The following TENT2 variants were observed in gnomAD, a reference collection of about 807,000 sequenced individuals.
TENT2 encodes the protein poly(A) RNA polymerase GLD2.
In TENT2, 44 loss-of-function variants were observed where a neutral mutation model predicts 72.2. The ratio of observed to expected loss-of-function variants is 0.61; its 90% CI spans 0.48 to 0.78. The LOEUF is 0.78. TENT2 is among the 30% of genes least tolerant of loss of function. The pLI is 0.00. For missense variants in TENT2, 541 were observed against 569.6 expected, an observed-to-expected ratio of 0.95 and a Z score of 0.51; for synonymous variants, 212 against 192.5, an observed-to-expected ratio of 1.10 and a Z score of -0.84.
intron 11 of TENT2, among the ~76,000 whole-genome samples, chr5:79,667,173 A>G (rs1808878852): frequency 6.6e-6 from 1 of 152,230 alleles, no homozygotes; most frequent in South Asian, 2.1e-4. Flanking sequence ...AAGGAAGTAC[A>G]ATCATTTTTA....
At position 79,640,959 on chromosome 5, in the gene TENT2, T is replaced by C. The variant is rs1783982265; in HGVS notation, c.574T>C (p.Phe192Leu). The C allele has an allele frequency of 6.2e-7, 1 of 1,602,274 alleles. No homozygotes were observed. The highest frequency in any genetic ancestry group is 1.3e-5 in the African/African-American group (1 of 74,158). ...GCTGCAGAGAGAAATTCAGCTGTTATTTCCACGTATGTTTCCCTATTTTGC... is the reference window on the plus strand; with the variant it reads ...GCTGCAGAGAGAAATTCAGCTGTTACTTCCACGTATGTTTCCCTATTTTGC... ...TQLQREIQLLFPQSRLFLVGS... is the reference protein window; with the variant it reads ...TQLQREIQLLLPQSRLFLVGS... Residue 192 changes from phenylalanine to leucine, a missense_variant, in exon 5 of 15, where the codon TTT becomes CTT. Transcript: ENST00000453514.
In TENT2 at chr5:79,668,910, A is replaced by G. The variant is rs1033278892; in HGVS notation, c.1090A>G (p.Ile364Val). The G allele has an allele frequency of 9.9e-6, 16 of 1,612,612 alleles. No individual in the cohort carries two copies. Among genetic ancestry groups the G allele is most frequent in the African/African-American group, 8.0e-5 (6 of 74,876 alleles). ...TTGACAGGAGTCTTTTAGTCCTGCTATACAGCTGCACCTTGTACATCAAGC... is the reference window on the plus strand; with the variant it reads ...TTGACAGGAGTCTTTTAGTCCTGCTGTACAGCTGCACCTTGTACATCAAGC... The part of the protein sequence containing the change: ...KIYPESFSPA[I>V]QLHLVHQAPC... The change falls in exon 12 of 15, where the codon ATA becomes GTA. Residue 364 changes from isoleucine (I) to valine (V), a missense_variant. Ile to Val is a conservative substitution (Grantham distance 29, BLOSUM62 3). Coordinates refer to ENST00000453514, the MANE Select transcript of TENT2 (RefSeq NM_001114394.3).
chr5:79,679,070 T>C (rs1819689586), intron 12 of TENT2, among the ~76,000 whole-genome samples: 1 of 152,106 alleles, frequency 6.6e-6, no homozygotes, highest in African/African-American at 2.4e-5. Flanking sequence ...TGCGCCTGGC[T>C]AATTTTTGTA....
At chr5:79,669,326 A>G (rs918320014) in intron 12 of TENT2, among the ~76,000 whole-genome samples, 5 of 152,186 alleles carry the variant, frequency 3.3e-5, no homozygotes, top group African/African-American at 1.2e-4. Context: ...GGTCCTGTGC[A>G]GGTGCTGTGT....
At chr5:79,648,508 C>G (rs1790989269) in intron 8 of TENT2, 109 bp from the exon 9 acceptor site, 1 of 710,440 alleles carries the variant, frequency 1.4e-6, no homozygotes. Context: ...CCTTTGGGCC[C>G]ATACTATTTT....
At chr5:79,634,449 G>T (rs899840742) in intron 4 of TENT2, among the ~76,000 whole-genome samples, 1 of 151,978 alleles carries the variant, frequency 6.6e-6, no homozygotes, top group Non-Finnish European at 1.5e-5. Context: ...TGATTCTCCG[G>T]CCTCAGCCTC....
At chr5:79,638,365 A>G (rs1781852116) in intron 4 of TENT2, among the ~76,000 whole-genome samples, 1 of 151,910 alleles carries the variant, frequency 6.6e-6, no homozygotes, top group Non-Finnish European at 1.5e-5. Flanking sequence ...ATGTCCACTG[A>G]GAGTCAGAAT....
chr5:79,623,517 C>T, intron 4 of TENT2, 28 bp downstream of exon 4: 1 of 1,466,680 alleles, frequency 6.8e-7, no homozygotes, highest in Non-Finnish European at 9.3e-7. Flanking sequence ...TTTAGTTTTG[C>T]CTTTTGGGAA....
chr5:79,653,873 C>G (rs564369624), intron 10 of TENT2, among the ~76,000 whole-genome samples: 2 of 152,190 alleles, frequency 1.3e-5, no homozygotes, highest in Admixed American at 1.3e-4. Flanking sequence ...GTTATTGTAC[C>G]TCACTGGCCT....
intron 11 of TENT2, among the ~76,000 whole-genome samples, chr5:79,660,229 T>C (rs781017928): frequency 2.6e-5 from 4 of 152,148 alleles, no homozygotes; most frequent in Non-Finnish European, 4.4e-5. Flanking sequence ...TATTATAGTA[T>C]AGAATTACTG....
chr5:79,639,333 T>C (rs1782597179), intron 4 of TENT2, among the ~76,000 whole-genome samples: 2 of 152,164 alleles, frequency 1.3e-5, no homozygotes, highest in Admixed American at 6.5e-5. Context: ...AGAAGTGATA[T>C]CTAACCAAAG....
chr5:79,667,912 C>T (rs1809673948), intron 11 of TENT2, among the ~76,000 whole-genome samples: 1 of 147,964 alleles, frequency 6.8e-6, no homozygotes, highest in Non-Finnish European at 1.5e-5. Context: ...AGTTGTCATT[C>T]TGCTGCCTTA....
chr5:79,648,743 T>A lies in TENT2; in HGVS notation c.898+50T>A, dbSNP rs754588494. The A allele has an allele frequency of 2.9e-6, 4 of 1,360,068 alleles. No individual in the cohort carries two copies. In the South Asian group the frequency reaches 5.2e-5, roughly 18 times the overall value. The allele number at this position is 1,360,068 out of a possible 1,614,324, so 84.3% of individuals were successfully genotyped here. A position where few individuals can be genotyped will look rare whatever the true frequency, so the allele number is the denominator to read the frequency against. On this transcript the variant is annotated intron_variant, in intron 9 of 14. Coordinates refer to ENST00000453514, the MANE Select transcript of TENT2 (RefSeq NM_001114394.3). ...AAATTAGCCTTTTTTTCTTTATTCA[T>A]TTTTAAAGATGTTTGGCATAAATAG...
intron 12 of TENT2, among the ~76,000 whole-genome samples, chr5:79,674,949 A>G (rs1034940614): frequency 5.3e-5 from 8 of 152,202 alleles, no homozygotes; most frequent in Admixed American, 1.3e-4. Context: ...AAGAAGCTAT[A>G]TGGACTCCTC....
chr5:79,678,647 A>G (rs962469654), intron 12 of TENT2, among the ~76,000 whole-genome samples: 1 of 152,210 alleles, frequency 6.6e-6, no homozygotes, highest in Non-Finnish European at 1.5e-5. Context: ...TAACAGCTGC[A>G]TCTGATATAC....
intron 4 of TENT2, among the ~76,000 whole-genome samples, chr5:79,625,640 T>C (rs1768949777): frequency 6.6e-6 from 1 of 152,120 alleles, no homozygotes; most frequent in Admixed American, 6.5e-5. Context: ...TGATGTAAAG[T>C]AGGGGGTCCA....
At chr5:79,683,469 C>T (rs1282533636) in intron 14 of TENT2, among the ~76,000 whole-genome samples, 2 of 152,114 alleles carry the variant, frequency 1.3e-5, no homozygotes, top group Admixed American at 6.5e-5. Flanking sequence ...GTGATTGTGC[C>T]ACCGCACTCC....
intron 4 of TENT2, among the ~76,000 whole-genome samples, chr5:79,634,914 C>T (rs1478483657): frequency 6.6e-6 from 1 of 151,534 alleles, no homozygotes; most frequent in Non-Finnish European, 1.5e-5. Flanking sequence ...AACTCCTGGG[C>T]TCAAGCTATG....
At chr5:79,613,299 A>C (rs754236426) in intron 1 of TENT2, among the ~76,000 whole-genome samples, 5 of 152,200 alleles carry the variant, frequency 3.3e-5, no homozygotes, top group Non-Finnish European at 7.3e-5. Context: ...TCTCTAAATT[A>C]CTTGTCTTAT....
Sources: gnomAD v4.1 joint callset for allele counts (sites outside exome capture counted in the v4.1 genomes callset) on GRCh38, gnomAD v4.1.1 for gene constraint, MANE v1.5 for transcripts, NCBI Gene and HGNC (gene_info 2026-07-23, HGNC 2026-07-21) for gene names.